The following PARD6G variants were observed in gnomAD, a reference collection of about 807,000 sequenced individuals.
PARD6G encodes par-6 family cell polarity regulator gamma, also known as partitioning defective 6 homolog gamma.
A neutral mutation model predicts 10.7 loss-of-function variants in PARD6G; 7 were observed. The ratio of observed to expected loss-of-function variants is 0.66; its 90% CI spans 0.37 to 1.23. The LOEUF is 1.23. Among genes scored for constraint, PARD6G ranks in the 50% most tolerant of loss-of-function variants. The pLI, the probability that PARD6G is intolerant of heterozygous loss-of-function variation, is 0.02. For missense variants in PARD6G, 548 were observed against 571.8 expected (o/e 0.96, Z 0.42); for synonymous variants, 287 against 269.4 (o/e 1.07, Z -0.64).
rs1021313775 is a variant in PARD6G, at chr18:80,161,423, C to T, written c.296-817G>A. On this transcript the variant is annotated intron_variant, in intron 2 of 2. Coordinates refer to ENST00000353265, the MANE Select transcript of PARD6G (RefSeq NM_032510.4). The surrounding 1 kb of genome is among the most constrained non-coding windows in gnomAD (Gnocchi z 4.6). ...TTTGTGGCAGTGTGTAAACTTTACCCTAAAGTTGGGCTACTGCAAAATAAA... is the reference window on the plus strand; with the variant it reads ...TTTGTGGCAGTGTGTAAACTTTACCTTAAAGTTGGGCTACTGCAAAATAAA... Among the ~76,000 whole-genome samples the T allele has an allele frequency of 6.6e-6, 1 of 152,044 alleles. No homozygotes were observed. Among genetic ancestry groups the T allele is most frequent in the Non-Finnish European group, 1.5e-5 (1 of 68,032 alleles).
Position 80,183,023 on chromosome 18 carries a change from G to C in PARD6G, c.295+19687C>G. ...TGGAATGAGATGGCTGGGGTCTCATGAGGGGCCAGCTGCGTGGGCCATCCA... is the reference window on the plus strand; with the variant it reads ...TGGAATGAGATGGCTGGGGTCTCATCAGGGGCCAGCTGCGTGGGCCATCCA... On this transcript the variant is annotated intron_variant, in intron 2 of 2. Transcript: ENST00000353265. This position sits in a 1 kb window ranked among gnomAD's most constrained non-coding sequence, Gnocchi z 4.5. 1 of 691,388 alleles carries C rather than the reference G, an allele frequency of 1.4e-6. No individual in the cohort carries two copies. The highest frequency in any genetic ancestry group is 2.6e-6 in the Non-Finnish European group (1 of 378,304). The allele number at this position is 691,388 out of a possible 1,614,324, so 42.8% of individuals were successfully genotyped here.
rs79608690 is a variant in PARD6G at position 80,224,607 on chromosome 18, A to G, written c.73-21675T>C. Among the ~76,000 whole-genome samples the G allele has an allele frequency of 2.0e-3, 307 of 152,266 alleles. 1 individual carries two copies. The East Asian group carries it at 0.023, about 11-fold the overall frequency. ...TCACGCCTGTAATCCCAGCACTTTG[A>G]GAGGCCGAGGCGGGCGGATCACGAG... On this transcript the variant is annotated intron_variant, in intron 1 of 2. Coordinates refer to ENST00000353265, the MANE Select transcript of PARD6G (RefSeq NM_032510.4).
At chr18:80,238,338 T>C (rs984828866) in intron 1 of PARD6G, among the ~76,000 whole-genome samples, 9 of 151,736 alleles carry the variant, frequency 5.9e-5, no homozygotes, top group Non-Finnish European at 4.4e-5. Context: ...CTGGGGCCTG[T>C]TGTGGGGTGT....
intron 2 of PARD6G, among the ~76,000 whole-genome samples, chr18:80,176,928 G>A (rs1264724557): frequency 6.8e-6 from 1 of 146,898 alleles, no homozygotes; most frequent in African/African-American, 2.5e-5. Context: ...ATAAATCACA[G>A]TCCAGATGGG....
intron 1 of PARD6G, among the ~76,000 whole-genome samples, chr18:80,242,327 C>T (rs1011224873): frequency 1.3e-5 from 2 of 152,254 alleles, no homozygotes; most frequent in Non-Finnish European, 2.9e-5. Flanking sequence ...CAATTCTTAA[C>T]TGGCCCACAG....
At chr18:80,234,740 AG>A (rs1462900604) in intron 1 of PARD6G, among the ~76,000 whole-genome samples, 1 of 152,172 alleles carries the variant, frequency 6.6e-6, no homozygotes, top group Non-Finnish European at 1.5e-5. Flanking sequence ...CACCAAGTCA[AG>A]GTGACTGTAA....
chr18:80,167,912 C>G (rs988669946), intron 2 of PARD6G, among the ~76,000 whole-genome samples: 1 of 152,122 alleles, frequency 6.6e-6, no homozygotes, highest in African/African-American at 2.4e-5. Flanking sequence ...TAAGTAATGT[C>G]TACCACTGTC....
At chr18:80,230,604 G>A (rs557994358) in intron 1 of PARD6G, among the ~76,000 whole-genome samples, 4 of 152,180 alleles carry the variant, frequency 2.6e-5, no homozygotes, top group Non-Finnish European at 5.9e-5. Context: ...CAGGGTGACG[G>A]CTAAACCCAC....
rs557378419 is a variant in PARD6G at position 80,189,581 on chromosome 18, C to T, written c.295+13129G>A. ...AACTCCAGATGTCTTCTCTTACCCG[C>T]TAACTGACACCACGTCAGGAGCCCA... On this transcript the variant is annotated intron_variant, in intron 2 of 2. Transcript: ENST00000353265. This position sits in a 1 kb window ranked among gnomAD's most constrained non-coding sequence, Gnocchi z 5.5. 5 of 152,338 alleles carry T rather than the reference C, an allele frequency of 3.3e-5. No homozygotes were observed. Among genetic ancestry groups the T allele is most frequent in the African/African-American group, 1.2e-4 (5 of 41,576 alleles). 9.4% of individuals were successfully genotyped at this position (152,338 alleles called of 1,614,324 possible).
chr18:80,237,873 A>G (rs1007430766), intron 1 of PARD6G, among the ~76,000 whole-genome samples: 3 of 152,150 alleles, frequency 2.0e-5, no homozygotes, highest in Non-Finnish European at 4.4e-5. Context: ...ATATGGAGAA[A>G]TAGGAACACT....
chr18:80,200,037 C>T lies in PARD6G; in HGVS notation c.295+2673G>A, dbSNP rs1314986595. ...CTTTTCCTCTGTGATAGTAAATTCC[C>T]TCTTAACATATATTTAAATAAAATA... On this transcript the variant is annotated intron_variant, in intron 2 of 2. Coordinates refer to ENST00000353265, the MANE Select transcript of PARD6G (RefSeq NM_032510.4). The surrounding 1 kb of genome is among the most constrained non-coding windows in gnomAD (Gnocchi z 4.4). Among the ~76,000 whole-genome samples the T allele has an allele frequency of 2.6e-5, 4 of 152,174 alleles. No individual in the cohort carries two copies. Among genetic ancestry groups the T allele is most frequent in the East Asian group, 3.8e-4 (2 of 5,200 alleles).
At position 80,201,186 on chromosome 18, in the gene PARD6G, G is replaced by A. The variant is rs1967004061; in HGVS notation, c.295+1524C>T. Among the ~76,000 whole-genome samples, 1 of 152,142 alleles carries A rather than the reference G, an allele frequency of 6.6e-6. No homozygotes were observed. The highest frequency in any genetic ancestry group is 1.5e-5 in the Non-Finnish European group (1 of 68,030). On this transcript the variant is annotated intron_variant, in intron 2 of 2. Coordinates refer to ENST00000353265, the MANE Select transcript of PARD6G (RefSeq NM_032510.4). This position sits in a 1 kb window ranked among gnomAD's most constrained non-coding sequence, Gnocchi z 5.9. ...CGAGTAAGAGGACAGAGGACGACAGGCAGAGGGGAACACGGGCTCATCAGA... is the reference window on the plus strand; with the variant it reads ...CGAGTAAGAGGACAGAGGACGACAGACAGAGGGGAACACGGGCTCATCAGA...
rs2052862471 is a variant in PARD6G at position 80,184,367 on chromosome 18, G to A, written c.295+18343C>T. ...GCGGCATCATTCACAGTGGCCAGGA[G>A]GTGGAAACAACCCCGATGTCCATCA... On this transcript the variant is annotated intron_variant, in intron 2 of 2. Coordinates refer to ENST00000353265, the MANE Select transcript of PARD6G (RefSeq NM_032510.4). The surrounding 1 kb of genome is among the most constrained non-coding windows in gnomAD (Gnocchi z 4.5). The A allele has an allele frequency of 6.6e-6, 1 of 152,272 alleles. No homozygotes were observed. Among genetic ancestry groups the A allele is most frequent in the African/African-American group, 2.4e-5 (1 of 41,456 alleles). The allele number at this position is 152,272 out of a possible 1,614,324, so 9.4% of individuals were successfully genotyped here.
chr18:80,245,694 A>G (rs1170674319), intron 1 of PARD6G, among the ~76,000 whole-genome samples: 2 of 152,122 alleles, frequency 1.3e-5, no homozygotes, highest in African/African-American at 4.8e-5. Flanking sequence ...CTTATTGTCT[A>G]CTGTACTAGA....
At chr18:80,177,181 A>G (rs2052815417) in intron 2 of PARD6G, among the ~76,000 whole-genome samples, 1 of 135,088 alleles carries the variant, frequency 7.4e-6, no homozygotes, top group East Asian at 2.3e-4. Context: ...ACACATACAC[A>G]CACACCACAG....
intron 1 of PARD6G, among the ~76,000 whole-genome samples, chr18:80,216,717 A>AAT (rs1167176737): frequency 6.6e-6 from 1 of 152,170 alleles, no homozygotes; most frequent in Non-Finnish European, 1.5e-5. Context: ...TGAAAAAGGA[A>AAT]ATGCAAACTT....
chr18:80,208,339 G>A (rs1043533446), intron 1 of PARD6G, among the ~76,000 whole-genome samples: 5 of 152,222 alleles, frequency 3.3e-5, no homozygotes, highest in Admixed American at 2.0e-4. Flanking sequence ...TGTGACATTT[G>A]AAGACCACAA....
intron 2 of PARD6G, chr18:80,170,964 G>A (rs948869786): frequency 4.6e-5 from 7 of 152,028 alleles, no homozygotes; most frequent in Non-Finnish European, 8.8e-5. Flanking sequence ...GAGGAGAGAC[G>A]GGAAAGGAAT....
intron 1 of PARD6G, among the ~76,000 whole-genome samples, chr18:80,220,707 T>C (rs1462438550): frequency 1.3e-5 from 2 of 152,024 alleles, no homozygotes; most frequent in African/African-American, 4.8e-5. Context: ...ACCTCCCAGG[T>C]TGCAGTGATT....
Sources: gnomAD v4.1 joint callset for allele counts (sites outside exome capture counted in the v4.1 genomes callset) on GRCh38, gnomAD v4.1.1 for gene constraint, Gnocchi (gnomAD v3.1) non-coding constraint, MANE v1.5 for transcripts, NCBI Gene and HGNC (gene_info 2026-07-23, HGNC 2026-07-21) for gene names.